The following PLXNB3 variants were observed in gnomAD, a reference collection of about 807,000 sequenced individuals.
PLXNB3 encodes plexin B3, also known as plexin-B3.
Under a neutral mutation model 125.7 loss-of-function variants are expected in PLXNB3, and 80 were observed. That is an observed-to-expected ratio of 0.64 (90% CI 0.53 to 0.77). The LOEUF (loss-of-function observed/expected upper bound fraction) is 0.77, where lower values mean the gene tolerates loss of function less well. Ranked by LOEUF, PLXNB3 falls within the 30% of genes least tolerant of loss-of-function variation. PLXNB3 has a pLI of 0.00. For missense variants in PLXNB3, 1,836 were observed against 1,729.3 expected, an observed-to-expected ratio of 1.06 and a Z score of -1.09; for synonymous variants, 954 against 783.3, an observed-to-expected ratio of 1.22 and a Z score of -3.64.
Position 153,776,452 on chromosome X carries a change from A to G in PLXNB3, c.4826A>G (p.His1609Arg). ...NHWKRLNTLQ[H>R]YKVPDGATVG... is the part of the protein sequence containing the mutation. ...TGGAAGAGACTCAACACCTTGCAAC[A>G]CTACAAGGTGTGAGCAGGGACGGGG... Residue 1609 changes from histidine (H) to arginine (R), a missense_variant, in exon 28 of 36, where the codon CAC becomes CGC. Coordinates refer to ENST00000361971, the MANE Select transcript of PLXNB3 (RefSeq NM_005393.3). The G allele has an allele frequency of 1.0e-6, 1 of 982,095 alleles. No homozygotes were observed. The highest frequency in any genetic ancestry group is 1.4e-6 in the Non-Finnish European group (1 of 718,241). 80.9% of individuals were successfully genotyped at this position (982,095 alleles called of 1,213,427 possible). A position where few individuals can be genotyped will look rare whatever the true frequency, so the allele number is the denominator to read the frequency against.
rs782515942 is a variant in PLXNB3 at position 153,776,236 on chromosome X, A to G, written c.4729+22A>G. The stretch of plus-strand genomic sequence containing the variant: ...CTTGGTGAGAGAGCCAGCCCTGCCC[A>G]CCCACCCCAGGGACCCTTCCCTACC... On this transcript the variant is annotated intron_variant, in intron 27 of 35. Coordinates refer to ENST00000361971, the MANE Select transcript of PLXNB3 (RefSeq NM_005393.3). The G allele has an allele frequency of 6.5e-5, 42 of 644,473 alleles. No homozygotes were observed. In the East Asian group the frequency reaches 2.7e-3, roughly 41 times the overall value. The allele number at this position is 644,473 out of a possible 1,213,427, so 53.1% of individuals were successfully genotyped here.
In PLXNB3 at chrX:153,772,304, G is replaced by A. The variant is rs781822489; in HGVS notation, c.2775+17G>A. ...ACCTACCAGGTCAGTGGCCTCCCAG[G>A]TGTGCCCTACGCAGGGGAGGGTAGG... is the stretch of plus-strand genomic sequence containing the variant. On this transcript the variant is annotated intron_variant, in intron 16 of 35. Transcript: ENST00000361971. 3.5e-6 allele frequency: 4 copies of A among 1,129,772 alleles called. No individual in the cohort carries two copies. The East Asian group carries it at 9.0e-5, about 25-fold the overall frequency. 93.1% of individuals were successfully genotyped at this position (1,129,772 alleles called of 1,213,427 possible).
intron 14 of PLXNB3, 35 bp from the exon 15 acceptor site, chrX:153,771,829 G>A (rs782578063): frequency 4.3e-5 from 51 of 1,193,528 alleles, no homozygotes; most frequent in African/African-American, 5.3e-5. Flanking sequence ...GCGTGGGTGC[G>A]GGGGACCCCA....
rs546159727 is a variant in PLXNB3, at chrX:153,770,853, C to T, written c.2106C>T (p.Ala702=). The T allele has an allele frequency of 8.4e-5, 102 of 1,207,463 alleles. No homozygotes were observed. The South Asian group carries it at 1.5e-3, about 18-fold the overall frequency. The change falls in exon 11 of 36, where the codon GCC becomes GCT. Residue 702 remains alanine, a synonymous_variant. Transcript: ENST00000361971. ...CTGTGGGCTGGGAGAGCCATTTGGC[C>T]CTACGCGTGCGGAACCTTCAACATT... ...LVPVGWESHL[A]LRVRNLQHFR... is the part of the protein sequence containing the mutation.
At chrX:153,772,765 C>T in intron 16 of PLXNB3, 121 bp from the exon 17 acceptor site, 1 of 1,038,338 alleles carries the variant, frequency 9.6e-7, no homozygotes, top group Non-Finnish European at 1.2e-6. Flanking sequence ...CCACTTTGGC[C>T]CCAGGAGGTG....
intron 3 of PLXNB3, 110 bp from the exon 4 acceptor site, chrX:153,768,139 T>TG: frequency 1.1e-6 from 1 of 896,308 alleles, no homozygotes; most frequent in Non-Finnish European, 1.6e-6. Flanking sequence ...TGCTGGGCCT[T>TG]GGGGTCATCC....
chrX:153,769,354 C>CA, intron 6 of PLXNB3, 92 bp downstream of exon 6: 1 of 705,021 alleles, frequency 1.4e-6, no homozygotes, highest in South Asian at 2.7e-5. Flanking sequence ...GCCGGGAGGC[C>CA]AACCCTGCCT....
intron 29 of PLXNB3, 39 bp from the exon 30 acceptor site, chrX:153,777,169 A>G (rs1557064707): frequency 1.8e-6 from 2 of 1,114,048 alleles, no homozygotes; most frequent in African/African-American, 3.6e-5. Flanking sequence ...GGCCAGGGGC[A>G]GGGGGTATAG....
At chrX:153,766,288 G>A (rs1292647327) in intron 2 of PLXNB3, 6 of 1,164,486 alleles carry the variant, frequency 5.2e-6, no homozygotes, top group African/African-American at 3.6e-5. Flanking sequence ...CCCAGCTGCG[G>A]AGGGTTCCTC....
Position 153,770,579 on chromosome X carries a change from T to C in PLXNB3, c.1947T>C (p.Ser649=). Residue 649 remains serine, a synonymous_variant, in exon 10 of 36, where the codon AGT becomes AGC. Transcript: ENST00000361971. ...SIWRCHWCPQ[S]SHCVYGEHCP... Reference sequence around the variant, plus strand: ...GGCGGTGTCACTGGTGCCCGCAGAGTAGCCACTGCGTGTACGGAGAGCACT... The same window carrying C: ...GGCGGTGTCACTGGTGCCCGCAGAGCAGCCACTGCGTGTACGGAGAGCACT... The C allele has an allele frequency of 1.7e-6, 2 of 1,210,922 alleles. No homozygotes were observed. Among genetic ancestry groups the C allele is most frequent in the Non-Finnish European group, 2.2e-6 (2 of 895,349 alleles).
intron 35 of PLXNB3, 25 bp from the exon 36 acceptor site, chrX:153,778,910 C>G (rs1196110466): frequency 1.8e-6 from 2 of 1,130,838 alleles, no homozygotes; most frequent in African/African-American, 1.8e-5. Context: ...CAGGCTCAGA[C>G]AGGCACCCTC....
chrX:153,767,461 C>A lies in PLXNB3; in HGVS notation c.634C>A (p.Gln212Lys). The A allele has an allele frequency of 8.4e-7, 1 of 1,195,164 alleles. No homozygotes were observed. Among genetic ancestry groups the A allele is most frequent in the Non-Finnish European group, 1.1e-6 (1 of 886,675 alleles). ...GGCCATCCGCCAGCTGGCCGGGTCT[C>A]AGCCCTTCTCCAGCGAGGGCCTGGG... is the stretch of plus-strand genomic sequence containing the variant. ...PLAIRQLAGS[Q>K]PFSSEGLGRL... The change falls in exon 3 of 36, where the codon CAG becomes AAG. Residue 212 changes from glutamine to lysine, a missense_variant. Coordinates refer to ENST00000361971, the MANE Select transcript of PLXNB3 (RefSeq NM_005393.3).
rs1557063575 is a variant in PLXNB3 at position 153,775,079 on chromosome X, C to T, written c.4131C>T (p.Leu1377=). 8.3e-7 allele frequency: 1 copy of T among 1,205,387 alleles called. No homozygotes were observed. Among genetic ancestry groups the T allele is most frequent in the South Asian group, 1.8e-5 (1 of 55,906 alleles). Residue 1377 remains leucine, a synonymous_variant, in exon 24 of 36, where the codon CTC becomes CTT. Transcript: ENST00000361971. ...RQGLTQLSNL[L]NSKLFLLTLI... is the part of the protein sequence containing the mutation. ...GCCTCACGCAGCTCTCCAACCTGCTCAACAGCAAGCTCTTCCTCCTCACGG... is the reference window on the plus strand; with the variant it reads ...GCCTCACGCAGCTCTCCAACCTGCTTAACAGCAAGCTCTTCCTCCTCACGG...
chrX:153,765,563 C>T lies in PLXNB3; in HGVS notation c.28C>T (p.Leu10=). The change falls in exon 2 of 36, where the codon CTG becomes TTG. Residue 10 remains leucine, a synonymous_variant. Transcript: ENST00000361971. ...GTGCCACGCCGCCCAGGAGACCCCT[C>T]TGCTGCACCACTTCATGGTAAGTGC... MCHAAQETP[L]LHHFMAPVMA... is the part of the protein sequence containing the mutation. 1 of 1,196,865 alleles carries T rather than the reference C, an allele frequency of 8.4e-7. No homozygotes were observed. The highest frequency in any genetic ancestry group is 1.1e-6 in the Non-Finnish European group (1 of 887,956).
chrX:153,766,044 G>A, intron 2 of PLXNB3: 1 of 1,047,550 alleles, frequency 9.5e-7, no homozygotes. Context: ...CCTACACTGA[G>A]GCCCCCTGTG....
At position 153,765,596 on chromosome X, in the gene PLXNB3, C is replaced by T. The variant is rs782213940; in HGVS notation, c.45+16C>T. ...CCACTTCATGGTAAGTGCCCAGGCC[C>T]GGTGTCCCCAGAAATGTTCCTGGGA... is the stretch of plus-strand genomic sequence containing the variant. On this transcript the variant is annotated intron_variant, in intron 2 of 35. Coordinates refer to ENST00000361971, the MANE Select transcript of PLXNB3 (RefSeq NM_005393.3). 2.3e-5 allele frequency: 27 copies of T among 1,185,398 alleles called. 1 individual carries two copies. The highest frequency in any genetic ancestry group is 9.3e-5 in the South Asian group (5 of 53,730).
At chrX:153,771,824 G>A (rs2091933877) in intron 14 of PLXNB3, 40 bp from the exon 15 acceptor site, 2 of 1,191,917 alleles carry the variant, frequency 1.7e-6, no homozygotes, top group South Asian at 1.8e-5. Flanking sequence ...GTGGAGCGTG[G>A]GTGCGGGGGA....
rs782264141 is a variant in PLXNB3 at position 153,776,018 on chromosome X, G to A, written c.4533G>A (p.Val1511=). The change falls in exon 27 of 36, where the codon GTG becomes GTA. Residue 1511 remains valine, a synonymous_variant. Transcript: ENST00000361971. ...ATAGCCGCTTGCTGCGGGAGGACGT[G>A]GAGTTCCAGCCCCTGACGCTGATGG... is the stretch of plus-strand genomic sequence containing the variant. The part of the protein sequence containing the change: ...LNDSRLLRED[V]EFQPLTLMVL... 2 of 1,206,728 alleles carry A rather than the reference G, an allele frequency of 1.7e-6. No individual in the cohort carries two copies. The highest frequency in any genetic ancestry group is 1.8e-5 in the South Asian group (1 of 56,330).
chrX:153,769,751 G>T, intron 6 of PLXNB3, 56 bp from the exon 7 acceptor site: 1 of 1,139,954 alleles, frequency 8.8e-7, no homozygotes, highest in South Asian at 2.0e-5. Flanking sequence ...CCCTGTTGCC[G>T]GTCATCCTTG....
Sources: gnomAD v4.1 joint callset for allele counts on GRCh38, gnomAD v4.1.1 for gene constraint, MANE v1.5 for transcripts, NCBI Gene and HGNC (gene_info 2026-07-23, HGNC 2026-07-21) for gene names.